Variants in SGTB observed in about 807,000 individuals in gnomAD.
The protein encoded by SGTB is small glutamine rich tetratricopeptide repeat co-chaperone beta, also known as small glutamine-rich tetratricopeptide repeat-containing protein beta.
Under a neutral mutation model 43.9 loss-of-function variants are expected in SGTB, and 19 were observed. That is an observed-to-expected ratio of 0.43 (90% CI 0.30 to 0.63). The LOEUF (loss-of-function observed/expected upper bound fraction) is 0.63, where lower values mean the gene tolerates loss of function less well. SGTB is among the 30% of genes least tolerant of loss of function. The pLI, the probability that SGTB is intolerant of heterozygous loss-of-function variation, is 0.12. For synonymous variants in SGTB, 116 were observed against 117.3 expected (o/e 0.99, Z 0.07); for missense variants, 304 against 358.9 (o/e 0.85, Z 1.24).
Position 65,695,935 on chromosome 5 carries a change from T to C in SGTB, c.374+8344A>G, listed in dbSNP as rs144197895. Among the ~76,000 whole-genome samples, 219 of 152,310 alleles carry C rather than the reference T, an allele frequency of 1.4e-3. 1 individual carries two copies. The highest frequency in any genetic ancestry group is 0.014 in the Middle Eastern group (4 of 294). ...AAGATACAGTAACTGCCCAAGGTCA[T>C]GTAGCTAGTAAGTGCAGAACAGAGA... is the stretch of plus-strand genomic sequence containing the variant. On this transcript the variant is annotated intron_variant, in intron 5 of 10. Coordinates refer to ENST00000381007, the MANE Select transcript of SGTB (RefSeq NM_019072.3).
At chr5:65,679,037 C>T (rs1051840364) in intron 8 of SGTB, among the ~76,000 whole-genome samples, 1 of 151,982 alleles carries the variant, frequency 6.6e-6, no homozygotes, top group Non-Finnish European at 1.5e-5. Flanking sequence ...CCAAAAGAAA[C>T]AATCAACAGA....
intron 5 of SGTB, among the ~76,000 whole-genome samples, chr5:65,699,932 C>A (rs746850562): frequency 2.0e-5 from 3 of 152,172 alleles, no homozygotes; most frequent in Non-Finnish European, 4.4e-5. Flanking sequence ...TAAGAGCCTG[C>A]ATTTGAGTAT....
intron 5 of SGTB, among the ~76,000 whole-genome samples, chr5:65,697,459 TAAG>T (rs1260118913): frequency 2.6e-5 from 4 of 152,196 alleles, no homozygotes; most frequent in Non-Finnish European, 5.9e-5. Context: ...GCTGTACAAA[TAAG>T]AAATTTTGTG....
chr5:65,720,938 C>T (rs756324331), intron 1 of SGTB, 109 bp from the exon 2 acceptor site: 38 of 1,090,350 alleles, frequency 3.5e-5, no homozygotes, highest in Non-Finnish European at 4.8e-5. Context: ...AAGGTAAAAA[C>T]AAAACACAAA....
At chr5:65,717,046 TG>T (rs1428017413) in intron 2 of SGTB, among the ~76,000 whole-genome samples, 1 of 150,648 alleles carries the variant, frequency 6.6e-6, no homozygotes, top group Non-Finnish European at 1.5e-5. Context: ...CTGGGGGTGG[TG>T]GGGGTCATTT....
chr5:65,702,149 G>T (rs1321105104), intron 5 of SGTB, among the ~76,000 whole-genome samples: 1 of 152,118 alleles, frequency 6.6e-6, no homozygotes, highest in Non-Finnish European at 1.5e-5. Context: ...GGTGGCAGAA[G>T]AGCTGAGAGG....
intron 4 of SGTB, among the ~76,000 whole-genome samples, chr5:65,705,654 A>G (rs982443384): frequency 6.6e-5 from 10 of 152,166 alleles, no homozygotes; most frequent in Admixed American, 1.3e-4. Flanking sequence ...GAATATTCAA[A>G]TTACTGTAAA....
chr5:65,697,755 A>G (rs1225959067), intron 5 of SGTB, among the ~76,000 whole-genome samples: 3 of 152,190 alleles, frequency 2.0e-5, no homozygotes, highest in Non-Finnish European at 4.4e-5. Flanking sequence ...ACCTCCCACA[A>G]ATAATAACTA....
intron 8 of SGTB, 113 bp from the exon 9 acceptor site, chr5:65,672,394 TAG>T: frequency 7.6e-7 from 1 of 1,319,634 alleles, no homozygotes. Flanking sequence ...TAACATTTTG[TAG>T]AGTTTCAGTG....
At position 65,677,745 on chromosome 5, in the gene SGTB, T is replaced by G. The variant is rs154628; in HGVS notation, c.681+2749A>C. On this transcript the variant is annotated intron_variant, in intron 8 of 10. Transcript: ENST00000381007. ...AACAGAACTAAAGACAAAAACCCCATGATTATCTCAATAGATGCTGAAGAG... is the reference window on the plus strand; with the variant it reads ...AACAGAACTAAAGACAAAAACCCCAGGATTATCTCAATAGATGCTGAAGAG... 2.5e-3 allele frequency among the ~76,000 whole-genome samples: 387 copies of G among 152,234 alleles called. 5 individuals carry two copies. In the East Asian group the frequency reaches 0.043, roughly 17 times the overall value.
chr5:65,679,659 C>A (rs1434231037), intron 8 of SGTB, among the ~76,000 whole-genome samples: 1 of 151,730 alleles, frequency 6.6e-6, no homozygotes, highest in Non-Finnish European at 1.5e-5. Flanking sequence ...AAAACAAAAA[C>A]CAACAGATGC....
rs1757888906 is a variant in SGTB, at chr5:65,704,298, C to T, written c.355G>A (p.Ala119Thr). 1 of 1,611,330 alleles carries T rather than the reference C, an allele frequency of 6.2e-7. No individual in the cohort carries two copies. The highest frequency in any genetic ancestry group is 8.5e-7 in the Non-Finnish European group (1 of 1,178,722). Residue 119 changes from alanine to threonine, a missense_variant, in exon 5 of 11, where the codon GCA (alanine) becomes ACA (threonine). Physicochemically the swap from Ala to Thr is moderately conservative, Grantham distance 58. Transcript: ENST00000381007. Reference sequence around the variant, plus strand: ...GTTTACCTGTTGCAATAGTAAACTGCATTATTGGGATCCAATTCTATTGCC... The same window carrying T: ...GTTTACCTGTTGCAATAGTAAACTGTATTATTGGGATCCAATTCTATTGCC... ...TQAIELDPNNAVYYCNRAAAQ... is the reference protein window; with the variant it reads ...TQAIELDPNNTVYYCNRAAAQ...
chr5:65,706,977 T>C (rs1160481400), intron 4 of SGTB, among the ~76,000 whole-genome samples: 1 of 151,852 alleles, frequency 6.6e-6, no homozygotes, highest in Non-Finnish European at 1.5e-5. Context: ...AACAGTGATA[T>C]AGGCCAGGCG....
intron 5 of SGTB, among the ~76,000 whole-genome samples, chr5:65,691,799 C>T (rs547123213): frequency 4.0e-5 from 6 of 151,410 alleles, no homozygotes; most frequent in Non-Finnish European, 5.9e-5. Context: ...GGCGTGGTGG[C>T]GGGCGCCTGT....
chr5:65,720,958 C>T, intron 1 of SGTB, 129 bp from the exon 2 acceptor site: 2 of 923,580 alleles, frequency 2.2e-6, no homozygotes, highest in Non-Finnish European at 3.1e-6. Context: ...AACTGTATGA[C>T]CTTTCATCTT....
chr5:65,676,209 C>T lies in SGTB; in HGVS notation c.682-3928G>A, dbSNP rs73099323. 9.7e-3 allele frequency among the ~76,000 whole-genome samples: 1,470 copies of T among 152,036 alleles called. 22 individuals are homozygous for T. Among genetic ancestry groups the T allele is most frequent in the African/African-American group, 0.034 (1,411 of 41,434 alleles). On this transcript the variant is annotated intron_variant, in intron 8 of 10. Transcript: ENST00000381007. ...CAATCCTAGTTTCTGACAAAACAGA[C>T]TCTAAACCAAAGAAGATCAAAAAAG...
chr5:65,677,087 T>C (rs1385615199), intron 8 of SGTB, among the ~76,000 whole-genome samples: 2 of 150,270 alleles, frequency 1.3e-5, no homozygotes, highest in African/African-American at 4.9e-5. Context: ...GCTATACTAA[T>C]GAAGAAAAAA....
At chr5:65,694,680 G>GTT (rs1757685230) in intron 5 of SGTB, among the ~76,000 whole-genome samples, 1 of 151,984 alleles carries the variant, frequency 6.6e-6, no homozygotes, top group Non-Finnish European at 1.5e-5. Flanking sequence ...GTTTCACCAT[G>GTT]TTGGCCAGGC....
chr5:65,670,378 G>A, intron 10 of SGTB, 21 bp from the exon 11 acceptor site: 1 of 1,588,702 alleles, frequency 6.3e-7, no homozygotes, highest in Non-Finnish European at 8.6e-7. Context: ...GAGGCAATGT[G>A]GTTTGAATAG....
Sources: allele counts gnomAD v4.1 joint callset (sites outside exome capture counted in the v4.1 genomes callset), GRCh38; gene constraint gnomAD v4.1.1; transcripts MANE v1.5; gene names NCBI Gene and HGNC (gene_info 2026-07-23, HGNC 2026-07-21).